DTNA: variants seen among roughly 807,000 people sequenced by gnomAD.
DTNA encodes dystrobrevin alpha.
In DTNA, 43 loss-of-function variants were observed where a neutral mutation model predicts 100.7. The observed-to-expected ratio is 0.43, with a 90% CI of 0.33 to 0.55. The LOEUF (loss-of-function observed/expected upper bound fraction) is 0.55. DTNA is among the 20% of genes least tolerant of loss of function. The probability of loss-of-function intolerance (pLI) is 0.04; values close to 1 mark genes in which losing one functional copy is unlikely to be tolerated. For missense variants in DTNA, 798 were observed against 953.9 expected (o/e 0.84, Z 2.15); for synonymous variants, 349 against 347.9 (o/e 1.00, Z -0.04).
chr18:34,598,099 T>C (rs1239472840), intron 1 of DTNA, among the ~76,000 whole-genome samples: 1 of 152,196 alleles, frequency 6.6e-6, no homozygotes, highest in Non-Finnish European at 1.5e-5. Context: ...GACCTTAGAC[T>C]CTTTGTCTAG....
intron 1 of DTNA, among the ~76,000 whole-genome samples, chr18:34,753,035 A>G (rs894958874): frequency 6.6e-6 from 1 of 152,202 alleles, no homozygotes; most frequent in Non-Finnish European, 1.5e-5. Context: ...TGGAAACCAA[A>G]CTTAGCTTGT....
At chr18:34,864,893 T>C (rs575327868) in intron 17 of DTNA, among the ~76,000 whole-genome samples, 1 of 152,334 alleles carries the variant, frequency 6.6e-6, no homozygotes, top group South Asian at 2.1e-4. Flanking sequence ...AGTGCTGTAA[T>C]CTATTTTTCT....
Position 34,889,887 on chromosome 18 carries a change from C to G in DTNA, c.*2153C>G. On this transcript the variant is annotated 3_prime_UTR_variant, in exon 23 of 23. Transcript: ENST00000444659. ...TTTGTTGGGGTGTCTTAATGTTCAT[C>G]TCTTTTCCACTGCCCATCCTCTGTG... The G allele has an allele frequency of 1.0e-6, 1 of 1,001,616 alleles. No individual in the cohort carries two copies. Among genetic ancestry groups the G allele is most frequent in the Non-Finnish European group, 1.2e-6 (1 of 840,024 alleles). The allele number at this position is 1,001,616 out of a possible 1,614,324, so 62.0% of individuals were successfully genotyped here. A position where few individuals can be genotyped will look rare whatever the true frequency, so the allele number is the denominator to read the frequency against.
chr18:34,558,084 A>T, intron 1 of DTNA: 8 of 153,736 alleles, frequency 5.2e-5, no homozygotes, highest in Non-Finnish European at 1.2e-4. Flanking sequence ...TGCCGTTTTT[A>T]AAGCTGGTCC....
chr18:34,533,388 A>AC (rs1045172908), intron 1 of DTNA, among the ~76,000 whole-genome samples: 10 of 151,574 alleles, frequency 6.6e-5, no homozygotes, highest in African/African-American at 2.4e-4. Context: ...AAAAAAAAAA[A>AC]GTACAGAGTG....
chr18:34,786,509 T>C (rs1014349371), intron 3 of DTNA, among the ~76,000 whole-genome samples: 3 of 152,106 alleles, frequency 2.0e-5, no homozygotes, highest in African/African-American at 7.2e-5. Flanking sequence ...TGCATATATC[T>C]GCATATCTCA....
At chr18:34,653,856 T>G (rs2073969998) in intron 1 of DTNA, among the ~76,000 whole-genome samples, 1 of 151,994 alleles carries the variant, frequency 6.6e-6, no homozygotes, top group Non-Finnish European at 1.5e-5. Flanking sequence ...AAAATACCAC[T>G]GAGGAATCCA....
At chr18:34,498,048 A>ATG (rs1568538112) in intron 1 of DTNA, among the ~76,000 whole-genome samples, 3 of 152,150 alleles carry the variant, frequency 2.0e-5, no homozygotes, top group Admixed American at 2.0e-4. Flanking sequence ...TGGGAGGCCA[A>ATG]GGTGGATGGA....
chr18:34,872,704 T>C (rs1008147590), intron 17 of DTNA, among the ~76,000 whole-genome samples: 1 of 152,182 alleles, frequency 6.6e-6, no homozygotes, highest in African/African-American at 2.4e-5. Flanking sequence ...ATCCAGCAAC[T>C]AAAAGGTATT....
chr18:34,583,152 C>T (rs1023982893), intron 1 of DTNA, among the ~76,000 whole-genome samples: 5 of 152,122 alleles, frequency 3.3e-5, no homozygotes, highest in Non-Finnish European at 7.4e-5. Context: ...TGATGGAAGT[C>T]TTAATATAGG....
At chr18:34,660,201 C>T (rs1234655828) in intron 1 of DTNA, among the ~76,000 whole-genome samples, 6 of 152,036 alleles carry the variant, frequency 3.9e-5, no homozygotes, top group Non-Finnish European at 8.8e-5. Context: ...AAATAAAATT[C>T]TAAGCCCCCC....
chr18:34,870,534 T>C (rs1432812986), intron 17 of DTNA, among the ~76,000 whole-genome samples: 1 of 152,200 alleles, frequency 6.6e-6, no homozygotes, highest in Non-Finnish European at 1.5e-5. Flanking sequence ...GACTCTCTCT[T>C]TTTAAAATTA....
At chr18:34,850,247 ATAG>A (rs1422606022) in intron 14 of DTNA, among the ~76,000 whole-genome samples, 1 of 152,230 alleles carries the variant, frequency 6.6e-6, no homozygotes, top group Non-Finnish European at 1.5e-5. Context: ...ATTAATATAC[ATAG>A]CAAAGCAATG....
intron 1 of DTNA, among the ~76,000 whole-genome samples, chr18:34,615,820 T>A (rs2055162308): frequency 6.6e-6 from 1 of 152,194 alleles, no homozygotes; most frequent in African/African-American, 2.4e-5. Context: ...AGCTCCCACT[T>A]GTAAGTGAGA....
At chr18:34,530,345 C>T (rs775595486) in intron 1 of DTNA, among the ~76,000 whole-genome samples, 5 of 152,132 alleles carry the variant, frequency 3.3e-5, no homozygotes, top group Admixed American at 6.5e-5. Context: ...CATGCTCCAT[C>T]ATTCTAGATC....
At chr18:34,509,255 A>C (rs1203341384) in intron 1 of DTNA, among the ~76,000 whole-genome samples, 1 of 152,128 alleles carries the variant, frequency 6.6e-6, no homozygotes, top group African/African-American at 2.4e-5. Flanking sequence ...CCTTTCTAAA[A>C]TAAAGGCCCC....
At chr18:34,619,412 T>C (rs1412820446) in intron 1 of DTNA, among the ~76,000 whole-genome samples, 2 of 152,006 alleles carry the variant, frequency 1.3e-5, no homozygotes, top group African/African-American at 4.8e-5. Flanking sequence ...CCAGGAAGAA[T>C]AGCAAAGAAG....
chr18:34,758,421 CTA>C lies in DTNA; in HGVS notation c.67+2380_67+2381del, dbSNP rs2092924447. Among the ~76,000 whole-genome samples, 4 of 152,298 alleles carry C rather than the reference CTA, an allele frequency of 2.6e-5. No homozygotes were observed. In the South Asian group the frequency reaches 8.3e-4, roughly 32 times the overall value. On this transcript the variant is annotated intron_variant, in intron 2 of 22. Coordinates refer to ENST00000444659, the MANE Select transcript of DTNA (RefSeq NM_001386795.1). ...AGGCAGGGAAGACTTTTATCCAAGA[CTA>C]TTGCAACAAGGGAGAAAGACTGAAC...
chr18:34,863,557 G>A (rs1471336296), intron 16 of DTNA, among the ~76,000 whole-genome samples: 2 of 152,146 alleles, frequency 1.3e-5, no homozygotes, highest in African/African-American at 4.8e-5. Flanking sequence ...AATATTTTCT[G>A]TGAATTTGCA....
Sources: allele counts gnomAD v4.1 joint callset (sites outside exome capture counted in the v4.1 genomes callset), GRCh38; gene constraint gnomAD v4.1.1; transcripts MANE v1.5; gene names NCBI Gene and HGNC (gene_info 2026-07-23, HGNC 2026-07-21).